PCDHA2: variants seen among roughly 807,000 people sequenced by gnomAD.
PCDHA2 encodes the protein protocadherin alpha-2.
In PCDHA2, 58 loss-of-function variants were observed where a neutral mutation model predicts 66.0. That is an observed-to-expected ratio of 0.88 (90% CI 0.71 to 1.09). The LOEUF is 1.09. Among genes scored for constraint, PCDHA2 ranks in the 50% least tolerant of loss-of-function variants. The probability of loss-of-function intolerance (pLI) is 0.00; values close to 1 mark genes in which losing one functional copy is unlikely to be tolerated. For missense variants in PCDHA2, 1,267 were observed against 1,242.3 expected (o/e 1.02, Z -0.30); for synonymous variants, 634 against 554.0 (o/e 1.14, Z -2.03).
At chr5:140,909,378 C>T (rs544117185) in intron 1 of PCDHA2, among the ~76,000 whole-genome samples, 1 of 152,264 alleles carries the variant, frequency 6.6e-6, no homozygotes, top group Admixed American at 6.5e-5. Context: ...GCAATGAAAC[C>T]ACATCTAGTA....
intron 1 of PCDHA2, among the ~76,000 whole-genome samples, chr5:140,900,528 C>T (rs1261076566): frequency 2.6e-5 from 4 of 152,214 alleles, no homozygotes; most frequent in South Asian, 4.1e-4. Flanking sequence ...CTGCCCACCT[C>T]GGCTTTCCAA....
At chr5:140,838,058 CT>C in intron 1 of PCDHA2, among the ~76,000 whole-genome samples, 1 of 146,710 alleles carries the variant, frequency 6.8e-6, no homozygotes, top group East Asian at 2.0e-4. Context: ...TGGTTTTCCA[CT>C]TTAAGTTATA....
intron 1 of PCDHA2, among the ~76,000 whole-genome samples, chr5:140,888,270 GT>G (rs2061763105): frequency 6.6e-6 from 1 of 152,102 alleles, no homozygotes; most frequent in Non-Finnish European, 1.5e-5. Context: ...ATAAGAAACA[GT>G]TTTGTCCCCT....
chr5:140,858,380 C>G, intron 1 of PCDHA2: 1 of 1,583,962 alleles, frequency 6.3e-7, no homozygotes, highest in South Asian at 1.1e-5. Context: ...TCCACCATGC[C>G]CAATGGTAGA....
intron 1 of PCDHA2, chr5:140,843,568 A>G: frequency 6.3e-7 from 1 of 1,595,946 alleles, no homozygotes; most frequent in Non-Finnish European, 8.6e-7. Context: ...GGAGCTGGTC[A>G]TACTCGCAAC....
At chr5:140,803,369 C>G (rs140796793) in intron 1 of PCDHA2, 9 of 1,614,078 alleles carry the variant, frequency 5.6e-6, no homozygotes, top group South Asian at 1.1e-5. Flanking sequence ...TGCGGTGCTC[C>G]GCGCCGCCAA....
chr5:140,867,187 G>C (rs1219646479), intron 1 of PCDHA2: 1 of 152,072 alleles, frequency 6.6e-6, no homozygotes, highest in Non-Finnish European at 1.5e-5. Context: ...TACCTCGCAA[G>C]ACTCCACATT....
chr5:140,941,960 A>G (rs569784391), intron 1 of PCDHA2, among the ~76,000 whole-genome samples: 6 of 152,354 alleles, frequency 3.9e-5, no homozygotes, highest in African/African-American at 1.4e-4. Flanking sequence ...AAACAATAGT[A>G]TCTTTACTTT....
At chr5:140,843,743 A>C (rs2150365956) in intron 1 of PCDHA2, 2 of 1,536,300 alleles carry the variant, frequency 1.3e-6, no homozygotes, top group Admixed American at 3.6e-5. Context: ...TAGAACTCAT[A>C]AATTCTATTT....
At chr5:140,843,512 G>C (rs2150361484) in intron 1 of PCDHA2, 9 of 1,595,848 alleles carry the variant, frequency 5.6e-6, no homozygotes, top group Non-Finnish European at 7.7e-6. Flanking sequence ...CACTGAGGGC[G>C]GGTGCCGGGC....
At chr5:140,822,438 A>G (rs149277994) in intron 1 of PCDHA2, 11 of 1,613,682 alleles carry the variant, frequency 6.8e-6, no homozygotes, top group Non-Finnish European at 8.5e-6. Flanking sequence ...AACCCGAACT[A>G]ACAGGTACAG....
At chr5:140,901,930 C>G (rs902948893) in intron 1 of PCDHA2, among the ~76,000 whole-genome samples, 2 of 151,400 alleles carry the variant, frequency 1.3e-5, no homozygotes, top group Admixed American at 1.3e-4. Flanking sequence ...TTGGTTAATT[C>G]CTAGGTATAT....
At chr5:140,808,339 G>A (rs781810593) in intron 1 of PCDHA2, 15 of 1,614,246 alleles carry the variant, frequency 9.3e-6, no homozygotes, top group Non-Finnish European at 1.2e-5. Flanking sequence ...TCAATGGGCT[G>A]GTCACCTGCT....
intron 1 of PCDHA2, chr5:140,883,909 C>T: frequency 6.2e-7 from 1 of 1,613,472 alleles, no homozygotes; most frequent in Non-Finnish European, 8.5e-7. Flanking sequence ...CTCTGGGCAG[C>T]AACGTGACGC....
chr5:140,990,729 C>G (rs2097409512), intron 3 of PCDHA2, among the ~76,000 whole-genome samples: 1 of 152,134 alleles, frequency 6.6e-6, no homozygotes, highest in Non-Finnish European at 1.5e-5. Flanking sequence ...CTAGGTATAT[C>G]AACAGCCCTA....
At chr5:140,947,647 A>G (rs1192426462) in intron 1 of PCDHA2, among the ~76,000 whole-genome samples, 1 of 151,646 alleles carries the variant, frequency 6.6e-6, no homozygotes, top group African/African-American at 2.4e-5. Flanking sequence ...ATGAACATAT[A>G]TACCTCCATT....
chr5:140,972,316 GT>G (rs112435719), intron 1 of PCDHA2, among the ~76,000 whole-genome samples: 1,932 of 139,568 alleles, frequency 0.014, 18 homozygotes, highest in African/African-American at 0.036. Context: ...GTTTTTAGGT[GT>G]TTTTTTTTTT....
Position 140,808,605 on chromosome 5 carries a change from A to G in PCDHA2, c.2388+11253A>G, listed in dbSNP as rs1554124653. On this transcript the variant is annotated intron_variant, in intron 1 of 3. Coordinates refer to ENST00000526136, the MANE Select transcript of PCDHA2 (RefSeq NM_018905.3). ...AAGGAGAACAACCCGCCGGGCTGCC[A>G]CATCTTCACTGTGTCTGCGTGGGAC... 1 of 1,613,752 alleles carries G rather than the reference A, an allele frequency of 6.2e-7. No individual in the cohort carries two copies. The highest frequency in any genetic ancestry group is 2.2e-5 in the East Asian group (1 of 44,894).
intron 1 of PCDHA2, chr5:140,801,292 A>G (rs1554121367): frequency 1.9e-6 from 3 of 1,613,480 alleles, no homozygotes; most frequent in East Asian, 2.2e-5. Context: ...GGCCAGCTCC[A>G]CTACTCCGTC....
Sources: allele counts gnomAD v4.1 joint callset (sites outside exome capture counted in the v4.1 genomes callset), GRCh38; gene constraint gnomAD v4.1.1; transcripts MANE v1.5; gene names NCBI Gene and HGNC (gene_info 2026-07-23, HGNC 2026-07-21).